Variants in KHDRBS2 observed in about 807,000 individuals in gnomAD.
The protein encoded by KHDRBS2 is KH domain-containing, RNA-binding, signal transduction-associated protein 2.
Under a neutral mutation model 44.3 loss-of-function variants are expected in KHDRBS2, and 26 were observed. The ratio of observed to expected loss-of-function variants is 0.59; its 90% CI spans 0.43 to 0.81. The LOEUF (loss-of-function observed/expected upper bound fraction) is 0.81, where lower values mean the gene tolerates loss of function less well. Among genes scored for constraint, KHDRBS2 ranks in the 40% least tolerant of loss-of-function variants. The pLI, the probability that KHDRBS2 is intolerant of heterozygous loss-of-function variation, is 0.00. For synonymous variants in KHDRBS2, 194 were observed against 151.1 expected, an observed-to-expected ratio of 1.28 and a Z score of -2.08; for missense variants, 476 against 433.1, an observed-to-expected ratio of 1.10 and a Z score of -0.88.
At chr6:61,784,471 T>C (rs2127582612) in intron 6 of KHDRBS2, among the ~76,000 whole-genome samples, 1 of 152,082 alleles carries the variant, frequency 6.6e-6, no homozygotes, top group African/African-American at 2.4e-5. Context: ...GAGTGCTTTA[T>C]TTCAGAATAG....
At chr6:62,008,462 A>G (rs1415366043) in intron 3 of KHDRBS2, among the ~76,000 whole-genome samples, 1 of 152,226 alleles carries the variant, frequency 6.6e-6, no homozygotes, top group African/African-American at 2.4e-5. Context: ...ATAGTTAACT[A>G]TGATGGCTAT....
At chr6:61,561,673 CT>C in the KHDRBS2 span, among the ~76,000 whole-genome samples, 1 of 152,260 alleles carries the variant, frequency 6.6e-6, no homozygotes, top group South Asian at 2.1e-4. Flanking sequence ...CTGATGTTCA[CT>C]TAAGGCCAAA....
the KHDRBS2 span, among the ~76,000 whole-genome samples, chr6:61,567,603 T>C: frequency 1.3e-5 from 2 of 152,186 alleles, no homozygotes; most frequent in African/African-American, 4.8e-5. Context: ...TTCGTGCCAC[T>C]GCACACTAGC....
At chr6:61,713,827 A>G (rs1770930543) in intron 7 of KHDRBS2, among the ~76,000 whole-genome samples, 1 of 151,798 alleles carries the variant, frequency 6.6e-6, no homozygotes, top group Non-Finnish European at 1.5e-5. Flanking sequence ...ATGTTAGAAA[A>G]AATGGATGGC....
chr6:61,710,790 T>A (rs1304897768), intron 7 of KHDRBS2, among the ~76,000 whole-genome samples: 1 of 126,132 alleles, frequency 7.9e-6, no homozygotes, highest in African/African-American at 2.9e-5. Flanking sequence ...TCATTGTACC[T>A]GAGCTCTTTT....
chr6:62,021,067 G>A (rs547727833), intron 3 of KHDRBS2, among the ~76,000 whole-genome samples: 7 of 152,040 alleles, frequency 4.6e-5, no homozygotes, highest in African/African-American at 1.2e-4. Flanking sequence ...GAATGAGATC[G>A]TGTCCTTTTC....
At chr6:61,598,851 T>C in the KHDRBS2 span, among the ~76,000 whole-genome samples, 1 of 146,354 alleles carries the variant, frequency 6.8e-6, no homozygotes, top group Non-Finnish European at 1.5e-5. Flanking sequence ...TTTTTTTTTT[T>C]TTTTTTTGCA....
At chr6:62,274,342 T>C (rs1840570903) in intron 1 of KHDRBS2, among the ~76,000 whole-genome samples, 2 of 152,188 alleles carry the variant, frequency 1.3e-5, no homozygotes, top group Non-Finnish European at 2.9e-5. Flanking sequence ...AGCTACATCA[T>C]ACTTTAAATA....
intron 2 of KHDRBS2, among the ~76,000 whole-genome samples, chr6:62,127,645 T>G (rs965661436): frequency 3.3e-5 from 5 of 152,146 alleles, no homozygotes; most frequent in African/African-American, 1.2e-4. Flanking sequence ...TAGAATCTGC[T>G]AGGTTGTAAT....
At chr6:61,787,645 T>C (rs1406569685) in intron 6 of KHDRBS2, among the ~76,000 whole-genome samples, 3 of 151,684 alleles carry the variant, frequency 2.0e-5, no homozygotes, top group Non-Finnish European at 4.4e-5. Flanking sequence ...ATTATGAATC[T>C]AAAAAGCCCT....
chr6:62,039,985 C>T (rs562899118), intron 3 of KHDRBS2, among the ~76,000 whole-genome samples: 6 of 152,116 alleles, frequency 3.9e-5, no homozygotes, highest in Admixed American at 6.6e-5. Context: ...GACTTTAAAC[C>T]AGCTTTATGA....
At chr6:61,966,176 G>GT (rs1296920515) in intron 4 of KHDRBS2, among the ~76,000 whole-genome samples, 2 of 151,894 alleles carry the variant, frequency 1.3e-5, no homozygotes, top group East Asian at 3.9e-4. Context: ...ACACTGAAAG[G>GT]TAATGAATTA....
At chr6:62,207,720 T>C (rs564593552) in intron 1 of KHDRBS2, among the ~76,000 whole-genome samples, 19 of 152,280 alleles carry the variant, frequency 1.2e-4, no homozygotes, top group Non-Finnish European at 2.8e-4. Flanking sequence ...CCTAATGTCA[T>C]CTCTATATTT....
At chr6:62,164,669 A>G (rs960992244) in intron 2 of KHDRBS2, among the ~76,000 whole-genome samples, 12 of 151,910 alleles carry the variant, frequency 7.9e-5, no homozygotes, top group Non-Finnish European at 1.8e-4. Flanking sequence ...TATTTTTACA[A>G]ATATATAATT....
intron 4 of KHDRBS2, among the ~76,000 whole-genome samples, chr6:61,956,490 T>G (rs898977967): frequency 2.6e-5 from 4 of 152,174 alleles, no homozygotes; most frequent in African/African-American, 7.2e-5. Context: ...AGTACATCTT[T>G]TTTTACTTCT....
At chr6:61,883,202 A>G (rs1800449685) in intron 6 of KHDRBS2, among the ~76,000 whole-genome samples, 1 of 152,034 alleles carries the variant, frequency 6.6e-6, no homozygotes, top group African/African-American at 2.4e-5. Flanking sequence ...CCTAAAATAT[A>G]CAAATAATGT....
At chr6:62,110,599 C>G (rs1351169312) in intron 2 of KHDRBS2, among the ~76,000 whole-genome samples, 1 of 152,008 alleles carries the variant, frequency 6.6e-6, no homozygotes, top group African/African-American at 2.4e-5. Context: ...CCTCCAGAGT[C>G]CTCTCTCCCA....
chr6:61,934,834 A>G (rs1810742954), intron 4 of KHDRBS2, among the ~76,000 whole-genome samples: 1 of 152,168 alleles, frequency 6.6e-6, no homozygotes, highest in South Asian at 2.1e-4. Context: ...CAGGGATGTA[A>G]AAACAGACAC....
chr6:61,672,299 T>A, the KHDRBS2 span, among the ~76,000 whole-genome samples: 1 of 152,022 alleles, frequency 6.6e-6, no homozygotes, highest in African/African-American at 2.4e-5. Context: ...AATGCCGCAA[T>A]AAACATACGT....
Sources: gnomAD v4.1 joint callset for allele counts (sites outside exome capture counted in the v4.1 genomes callset) on GRCh38, gnomAD v4.1.1 for gene constraint, MANE v1.5 for transcripts, NCBI Gene and HGNC (gene_info 2026-07-23, HGNC 2026-07-21) for gene names.